The following WWOX variants were observed in gnomAD, a reference collection of about 807,000 sequenced individuals.
The protein encoded by WWOX is WW domain containing oxidoreductase.
A neutral mutation model predicts 46.2 loss-of-function variants in WWOX; 69 were observed. That is an observed-to-expected ratio of 1.49 (90% CI 1.23 to 1.82). The LOEUF is 1.82. WWOX is among the 40% of genes most tolerant of loss of function. WWOX has a pLI of 0.00. For synonymous variants in WWOX, 359 were observed against 202.6 expected (o/e 1.77, Z -6.56); for missense variants, 919 against 542.6 (o/e 1.69, Z -6.89).
chr16:78,132,539 A>G (rs1010743225), intron 4 of WWOX, among the ~76,000 whole-genome samples: 1 of 152,150 alleles, frequency 6.6e-6, no homozygotes, highest in African/African-American at 2.4e-5. Context: ...CCATGTGATG[A>G]TTTTTTAAAA....
chr16:78,936,456 A>G (rs147712318), intron 8 of WWOX, among the ~76,000 whole-genome samples: 198 of 152,216 alleles, frequency 1.3e-3, no homozygotes, highest in African/African-American at 4.5e-3. Context: ...AGGCTTAGCT[A>G]CTCAGTGAAT....
At chr16:78,521,072 G>C (rs929216579) in intron 8 of WWOX, among the ~76,000 whole-genome samples, 2 of 152,154 alleles carry the variant, frequency 1.3e-5, no homozygotes, top group Non-Finnish European at 1.5e-5. Flanking sequence ...GAATTGAGTT[G>C]ATTCTGTTTA....
intron 8 of WWOX, among the ~76,000 whole-genome samples, chr16:78,961,459 GGATGGATGGATGGATGGATGGATAGGTA>G (rs1417581506): frequency 6.6e-6 from 1 of 151,732 alleles, no homozygotes; most frequent in Non-Finnish European, 1.5e-5. Flanking sequence ...ATGGATGGGT[GGATGGATGGATGGATGGATGGATAGGTA>G]GATGGATGGA....
intron 8 of WWOX, among the ~76,000 whole-genome samples, chr16:78,822,548 C>G (rs2051531103): frequency 6.6e-6 from 1 of 152,004 alleles, no homozygotes; most frequent in South Asian, 2.1e-4. Flanking sequence ...AATAAAAATT[C>G]CCATCCCCAC....
intron 8 of WWOX, among the ~76,000 whole-genome samples, chr16:78,630,550 C>G (rs2046404144): frequency 6.6e-6 from 1 of 152,174 alleles, no homozygotes; most frequent in Admixed American, 6.5e-5. Flanking sequence ...ATTTTCACAG[C>G]TCATTTCTGG....
chr16:78,851,041 G>C (rs914500622), intron 8 of WWOX, among the ~76,000 whole-genome samples: 1 of 152,156 alleles, frequency 6.6e-6, no homozygotes, highest in Non-Finnish European at 1.5e-5. Context: ...TTACATGTGA[G>C]TTATTTGAAA....
chr16:78,524,398 T>G (rs2043413102), intron 8 of WWOX, among the ~76,000 whole-genome samples: 1 of 123,080 alleles, frequency 8.1e-6, no homozygotes. Flanking sequence ...ATTTATTTAT[T>G]TATTTATTTG....
chr16:78,803,876 G>A (rs774953033), intron 8 of WWOX, among the ~76,000 whole-genome samples: 27 of 152,220 alleles, frequency 1.8e-4, no homozygotes, highest in East Asian at 3.9e-4. Context: ...GTACTGCTTC[G>A]TTTCTCCCAA....
At chr16:78,783,529 G>A (rs2142562362) in intron 8 of WWOX, among the ~76,000 whole-genome samples, 1 of 152,326 alleles carries the variant, frequency 6.6e-6, no homozygotes, top group Admixed American at 6.5e-5. Flanking sequence ...AGCTGGGAGA[G>A]GCCAGAATGG....
Position 78,781,206 on chromosome 16 carries a change from C to G in WWOX, c.1056+348454C>G, listed in dbSNP as rs77284156. Among the ~76,000 whole-genome samples the G allele has an allele frequency of 8.4e-3, 1,275 of 152,264 alleles. 15 individuals carry two copies. Among genetic ancestry groups the G allele is most frequent in the Middle Eastern group, 0.02 (6 of 294 alleles). On this transcript the variant is annotated intron_variant, in intron 8 of 8. Coordinates refer to ENST00000566780, the MANE Select transcript of WWOX (RefSeq NM_016373.4). ...GGTGTGTTGTGACCCCTGGCTTGTT[C>G]CAAAGCCTATGTGGGTGGGAATTCT...
Position 79,168,826 on chromosome 16 carries a change from C to G in WWOX, c.1057-42782C>G, listed in dbSNP as rs115101255. On this transcript the variant is annotated intron_variant, in intron 8 of 8. Transcript: ENST00000566780. The stretch of plus-strand genomic sequence containing the variant: ...GAGATCCAGTTGAGACCAGAATTCA[C>G]TCTCTCCACACCTCCATCAGCTGTG... 5.8e-3 allele frequency among the ~76,000 whole-genome samples: 881 copies of G among 152,290 alleles called. 7 individuals are homozygous for G. The highest frequency in any genetic ancestry group is 0.018 in the African/African-American group (766 of 41,558).
At chr16:78,524,496 C>T (rs9938940) in intron 8 of WWOX, among the ~76,000 whole-genome samples, 6,193 of 152,086 alleles carry the variant, frequency 0.041, 246 homozygotes, top group African/African-American at 0.11. Flanking sequence ...TCTCGGCTCA[C>T]TGCAGCCTCT....
chr16:78,665,964 C>T (rs1044144267), intron 8 of WWOX, among the ~76,000 whole-genome samples: 11 of 151,490 alleles, frequency 7.3e-5, no homozygotes, highest in Admixed American at 3.3e-4. Context: ...GGATTACAGA[C>T]GTGAGCCGCT....
rs113563881 is a variant in WWOX at position 78,380,039 on chromosome 16, G to C, written c.517-6821G>C. Among the ~76,000 whole-genome samples, 406 of 152,314 alleles carry C rather than the reference G, an allele frequency of 2.7e-3. 3 individuals carry two copies. The highest frequency in any genetic ancestry group is 9.6e-3 in the African/African-American group (397 of 41,556). ...CCTGTAAATGTTTTCTCCCTTATTT[G>C]GGACATGGTGTATTGAAGGTGTCTG... On this transcript the variant is annotated intron_variant, in intron 5 of 8. Transcript: ENST00000566780.
chr16:78,314,688 G>GGTTTT (rs1555517825), intron 5 of WWOX, among the ~76,000 whole-genome samples: 14 of 90,480 alleles, frequency 1.5e-4, no homozygotes, highest in South Asian at 1.4e-3. Context: ...CCCTGCAGGG[G>GGTTTT]TTTTTTTTTT....
intron 8 of WWOX, among the ~76,000 whole-genome samples, chr16:78,610,925 G>C (rs1331032848): frequency 1.3e-5 from 2 of 152,102 alleles, no homozygotes; most frequent in East Asian, 3.9e-4. Context: ...GCACAGGACA[G>C]TGAGAACGAA....
chr16:78,482,367 A>G (rs1449481190), intron 8 of WWOX, among the ~76,000 whole-genome samples: 1 of 152,110 alleles, frequency 6.6e-6, no homozygotes, highest in Non-Finnish European at 1.5e-5. Flanking sequence ...GACTACAGGC[A>G]TGCACCACCA....
intron 8 of WWOX, among the ~76,000 whole-genome samples, chr16:78,613,708 A>C (rs2151633873): frequency 6.6e-6 from 1 of 152,322 alleles, no homozygotes; most frequent in Admixed American, 6.5e-5. Flanking sequence ...GGAAGGCCCC[A>C]GCTCTTTGGA....
At chr16:79,119,215 A>T (rs1273907238) in intron 8 of WWOX, among the ~76,000 whole-genome samples, 1 of 152,188 alleles carries the variant, frequency 6.6e-6, no homozygotes, top group African/African-American at 2.4e-5. Context: ...CATTACTAAT[A>T]TGATAAACAA....
Sources: allele counts gnomAD v4.1 joint callset (sites outside exome capture counted in the v4.1 genomes callset), GRCh38; gene constraint gnomAD v4.1.1; transcripts MANE v1.5; gene names NCBI Gene and HGNC (gene_info 2026-07-23, HGNC 2026-07-21).